Variants in FAM234A observed in about 807,000 individuals in gnomAD.
FAM234A encodes family with sequence similarity 234 member A, also known as protein FAM234A.
Under a neutral mutation model 49.1 loss-of-function variants are expected in FAM234A, and 42 were observed. That is an observed-to-expected ratio of 0.86 (90% CI 0.67 to 1.11). The LOEUF (loss-of-function observed/expected upper bound fraction) is 1.11. FAM234A is among the 50% of genes least tolerant of loss of function. FAM234A has a pLI of 0.00. For missense variants in FAM234A, 815 were observed against 745.2 expected, an observed-to-expected ratio of 1.09 and a Z score of -1.09; for synonymous variants, 369 against 316.2, an observed-to-expected ratio of 1.17 and a Z score of -1.77.
intron 3 of FAM234A, among the ~76,000 whole-genome samples, chr16:255,734 G>A (rs979282372): frequency 2.0e-5 from 3 of 152,112 alleles, no homozygotes; most frequent in Non-Finnish European, 2.9e-5. Context: ...CACAATCTCC[G>A]CTCATCTCAA....
Position 259,501 on chromosome 16 carries a change from C to G in FAM234A, c.287C>G (p.Ala96Gly), listed in dbSNP as rs200029538. The change falls in exon 4 of 13, where the codon GCT becomes GGT. Residue 96 changes from alanine to glycine, a missense_variant. Transcript: ENST00000399932. ...YSAAVIYDFL[A>G]VDDINGDRIQ... ...CTTTCAGTTATCTATGACTTTCTGG[C>G]TGTGGATGATATAAACGGGGACAGG... 96 of 1,602,938 alleles carry G rather than the reference C, an allele frequency of 6.0e-5. No homozygotes were observed. Among genetic ancestry groups the G allele is most frequent in the Admixed American group, 1.7e-5 (1 of 59,860 alleles).
intron 1 of FAM234A, among the ~76,000 whole-genome samples, chr16:244,179 A>G (rs977834154): frequency 7.2e-5 from 11 of 152,114 alleles, no homozygotes; most frequent in African/African-American, 2.4e-4. Context: ...CGTGTTAGCT[A>G]GGATGGTCTC....
chr16:268,734 C>G (rs75157109), downstream of FAM234A: 5 of 1,537,402 alleles, frequency 3.3e-6, no homozygotes, highest in African/African-American at 6.9e-5. Flanking sequence ...GCAGTGACCT[C>G]GAGGCAGCCT....
At chr16:236,246 G>A (rs376149180) in intron 1 of FAM234A, among the ~76,000 whole-genome samples, 2 of 150,802 alleles carry the variant, frequency 1.3e-5, no homozygotes, top group Non-Finnish European at 3.0e-5. Context: ...GTGAGCCACC[G>A]CAACTGGCCC....
In FAM234A at chr16:263,852, C is replaced by T. The variant is rs1057163114; in HGVS notation, c.1188+77C>T. 45 of 1,423,180 alleles carry T rather than the reference C, an allele frequency of 3.2e-5. No individual in the cohort carries two copies. The African/African-American group carries it at 4.4e-4, about 14-fold the overall frequency. The allele number at this position is 1,423,180 out of a possible 1,614,324, so 88.2% of individuals were successfully genotyped here. A position where few individuals can be genotyped will look rare whatever the true frequency, so the allele number is the denominator to read the frequency against. On this transcript the variant is annotated intron_variant, in intron 10 of 12. Coordinates refer to ENST00000399932, the MANE Select transcript of FAM234A (RefSeq NM_032039.4). ...ACTGGTCTGAAAGCAGACGGGGCTG[C>T]GGCCCAGGAGGCTGCTGCCGTCAGA...
At chr16:261,127 G>C (rs970389975) in intron 5 of FAM234A, 3 of 403,096 alleles carry the variant, frequency 7.4e-6, no homozygotes, top group African/African-American at 2.0e-5. Flanking sequence ...GAATGAGGCT[G>C]TCAGCGTTTG....
intron 1 of FAM234A, among the ~76,000 whole-genome samples, chr16:246,172 G>A (rs1002767963): frequency 6.6e-6 from 1 of 151,320 alleles, no homozygotes; most frequent in Non-Finnish European, 1.5e-5. Context: ...CCAAGATCAC[G>A]CCATTGTACT....
rs925219482 is a variant in FAM234A at position 239,547 on chromosome 16, G to A, written c.-140+4690G>A. 6.0e-5 allele frequency among the ~76,000 whole-genome samples: 9 copies of A among 150,442 alleles called. No individual in the cohort carries two copies. The East Asian group carries it at 1.2e-3, about 20-fold the overall frequency. ...GGAGAATGGCATGAACCCAGGAGGC[G>A]GAGCTTGCAATGAGTGGAGATTGCG... On this transcript the variant is annotated intron_variant, in intron 1 of 12. Transcript: ENST00000399932.
At chr16:263,661 C>T (rs1211362643) in intron 9 of FAM234A, 39 bp from the exon 10 acceptor site, 1 of 1,529,572 alleles carries the variant, frequency 6.5e-7, no homozygotes, top group Non-Finnish European at 9.1e-7. Flanking sequence ...AGTCTCCTCA[C>T]TGAGACCCCT....
chr16:266,835 G>A (rs1462296607), downstream of FAM234A, among the ~76,000 whole-genome samples: 3 of 152,192 alleles, frequency 2.0e-5, no homozygotes, highest in African/African-American at 7.2e-5. Context: ...GGCAGGGTGG[G>A]GCTGGAGGGA....
chr16:241,940 CTTTTG>C (rs1176577179), intron 1 of FAM234A, among the ~76,000 whole-genome samples: 1 of 149,734 alleles, frequency 6.7e-6, no homozygotes, highest in Non-Finnish European at 1.5e-5. Flanking sequence ...TAGAATGAGA[CTTTTG>C]TTTTTATTTT....
At chr16:253,502 T>C (rs2051101146) in intron 2 of FAM234A, among the ~76,000 whole-genome samples, 1 of 151,792 alleles carries the variant, frequency 6.6e-6, no homozygotes, top group Non-Finnish European at 1.5e-5. Context: ...TGAGACGGAG[T>C]GTCACTCTGT....
Position 263,757 on chromosome 16 carries a change from A to G in FAM234A, c.1170A>G (p.Gly390=). 6.2e-7 allele frequency: 1 copy of G among 1,613,810 alleles called. No individual in the cohort carries two copies. The highest frequency in any genetic ancestry group is 8.5e-7 in the Non-Finnish European group (1 of 1,179,716). Residue 390 remains glycine, a synonymous_variant, in exon 10 of 13, where the codon GGA becomes GGG. Coordinates refer to ENST00000399932, the MANE Select transcript of FAM234A (RefSeq NM_032039.4). ...PDTLAVAVEN[G]TGTDRQILFL... is the part of the protein sequence containing the mutation. Reference sequence around the variant, plus strand: ...CCTTGGCTGTAGCCGTTGAAAACGGAACTGGCACCGACAGACAGGTTCGTT... The same window carrying G: ...CCTTGGCTGTAGCCGTTGAAAACGGGACTGGCACCGACAGACAGGTTCGTT...
intron 1 of FAM234A, among the ~76,000 whole-genome samples, chr16:249,294 C>T (rs574588240): frequency 4.6e-5 from 7 of 152,012 alleles, no homozygotes; most frequent in South Asian, 4.1e-4. Context: ...GCAGACTTCT[C>T]GGTCTGTTCT....
rs538192068 is a variant in FAM234A at position 261,431 on chromosome 16, A to G, written c.625A>G (p.Ile209Val). The change falls in exon 6 of 13, where the codon ATC becomes GTC. Residue 209 changes from isoleucine to valine, a missense_variant. By Grantham distance (29) the Ile-to-Val change is conservative (BLOSUM62 3). Coordinates refer to ENST00000399932, the MANE Select transcript of FAM234A (RefSeq NM_032039.4). ...CAGCAGCTTCAGCGGGAATGCGTCCATCCTGAGCCCTCTGCTGCAGGTGCC... is the reference window on the plus strand; with the variant it reads ...CAGCAGCTTCAGCGGGAATGCGTCCGTCCTGAGCCCTCTGCTGCAGGTGCC... The part of the protein sequence containing the change: ...HSSSFSGNAS[I>V]LSPLLQVPDV... 9 of 1,613,690 alleles carry G rather than the reference A, an allele frequency of 5.6e-6. No individual in the cohort carries two copies. The Admixed American group carries it at 8.3e-5, about 15-fold the overall frequency.
At chr16:249,715 G>C (rs1023653492) in intron 2 of FAM234A, 61 bp downstream of exon 2, 2 of 152,108 alleles carry the variant, frequency 1.3e-5, no homozygotes, top group African/African-American at 4.8e-5. Context: ...CCTGGTGGTG[G>C]CGGTTGATGC....
downstream of FAM234A, chr16:269,425 T>C (rs1458973772): frequency 3.8e-6 from 6 of 1,586,716 alleles, no homozygotes; most frequent in South Asian, 2.2e-5. Context: ...GGCCAGCTGG[T>C]GTCCTGCCCA....
At position 264,989 on chromosome 16, in the gene FAM234A, G is replaced by T; in HGVS notation, c.1626G>T (p.Arg542=). ...ACAGTGACCAAGCCATCAGGGACCG[G>T]TTCTCCCGGCTGCGGTACCAGAGTG... ...GPDSDQAIRD[R]FSRLRYQSEA is the part of the protein sequence containing the mutation. The change falls in exon 13 of 13, where the codon CGG becomes CGT. Residue 542 remains arginine (R), a synonymous_variant. Coordinates refer to ENST00000399932, the MANE Select transcript of FAM234A (RefSeq NM_032039.4). The T allele has an allele frequency of 6.2e-7, 1 of 1,611,176 alleles. No individual in the cohort carries two copies. Among genetic ancestry groups the T allele is most frequent in the Non-Finnish European group, 8.5e-7 (1 of 1,178,682 alleles).
intron 3 of FAM234A, 108 bp from the exon 4 acceptor site, chr16:259,372 GCCC>G: frequency 1.5e-6 from 1 of 675,718 alleles, no homozygotes; most frequent in Admixed American, 2.3e-5. Flanking sequence ...CTCGTTGGGT[GCCC>G]TCACAGTGGC....
Sources: gnomAD v4.1 joint callset for allele counts (sites outside exome capture counted in the v4.1 genomes callset) on GRCh38, gnomAD v4.1.1 for gene constraint, MANE v1.5 for transcripts, NCBI Gene and HGNC (gene_info 2026-07-23, HGNC 2026-07-21) for gene names.